The following DMD variants were observed in gnomAD, a reference collection of about 807,000 sequenced individuals.
DMD encodes the protein dystrophin, also known as mutant dystrophin.
Under a neutral mutation model 330.1 loss-of-function variants are expected in DMD, and 63 were observed. The observed-to-expected ratio is 0.19, with a 90% CI of 0.16 to 0.24. The LOEUF is 0.24. Ranked by LOEUF, DMD falls within the 10% of genes least tolerant of loss-of-function variation. The probability of loss-of-function intolerance (pLI) is 1.00; values close to 1 mark genes in which losing one functional copy is unlikely to be tolerated. For synonymous variants in DMD, 1,223 were observed against 959.8 expected (o/e 1.27, Z -5.07); for missense variants, 3,344 against 2,684.1 (o/e 1.25, Z -5.43).
At chrX:32,197,663 G>A (rs1440490278) in intron 44 of DMD, among the ~76,000 whole-genome samples, 2 of 111,246 alleles carry the variant, frequency 1.8e-5, no homozygotes, top group African/African-American at 6.5e-5. Context: ...ATGAAAAGTG[G>A]ATGTTCTTCA....
chrX:31,847,109 G>T (rs187167591), intron 48 of DMD, among the ~76,000 whole-genome samples: 11 of 111,431 alleles, frequency 9.9e-5, no homozygotes, highest in Non-Finnish European at 1.9e-4. Context: ...TAGTCCTCTG[G>T]TGAATGAACA....
intron 76 of DMD, 150 bp downstream of exon 76, chrX:31,146,141 C>G: frequency 8.6e-6 from 6 of 697,421 alleles, no homozygotes; most frequent in Non-Finnish European, 1.3e-5. Flanking sequence ...TTAGAATTTT[C>G]TTTTTAGACT....
chrX:33,188,047 T>A (rs1181747603), intron 1 of DMD, among the ~76,000 whole-genome samples: 1 of 110,911 alleles, frequency 9.0e-6, no homozygotes, highest in African/African-American at 3.3e-5. Context: ...ACTAGCTGGG[T>A]CTTAGTTTTG....
intron 1 of DMD, among the ~76,000 whole-genome samples, chrX:33,267,388 A>T (rs961669378): frequency 2.7e-5 from 3 of 111,295 alleles, no homozygotes; most frequent in Admixed American, 1.9e-4. Context: ...TTCCATGCTC[A>T]TTGGAAGAAA....
At chrX:32,938,084 T>G (rs1194094601) in intron 2 of DMD, among the ~76,000 whole-genome samples, 1 of 111,346 alleles carries the variant, frequency 9.0e-6, no homozygotes, top group Non-Finnish European at 1.9e-5. Flanking sequence ...TATCACTGTT[T>G]GTAAACACTC....
chrX:31,223,056 C>T lies in DMD; in HGVS notation c.9352G>A (p.Ala3118Thr), dbSNP rs200928985. 10 of 1,207,202 alleles carry T rather than the reference C, an allele frequency of 8.3e-6. No individual in the cohort carries two copies. The African/African-American group carries it at 1.2e-4, about 15-fold the overall frequency. The change falls in exon 64 of 79, where the codon GCC (alanine) becomes ACC (threonine). Residue 3118 changes from alanine to threonine, a missense_variant. Transcript: ENST00000357033. ...TAMKLRRLQK[A>T]LCLDLLSLSA... is the part of the protein sequence containing the mutation. ...ACTGGCCAATACTTACAGCAAAGGG[C>T]CTTCTGCAGTCTTCGGAGTTTCATG...
intron 44 of DMD, among the ~76,000 whole-genome samples, chrX:32,075,744 CAA>C (rs1365474839): frequency 1.0e-5 from 1 of 96,862 alleles, no homozygotes; most frequent in Non-Finnish European, 2.1e-5. Flanking sequence ...GATTTCATGC[CAA>C]AAAAAAAAAA....
At chrX:32,401,681 T>C (rs1473288809) in intron 30 of DMD, among the ~76,000 whole-genome samples, 1 of 111,684 alleles carries the variant, frequency 9.0e-6, no homozygotes, top group Non-Finnish European at 1.9e-5. Flanking sequence ...AAAAAGTAAT[T>C]TGAGTCTACA....
intron 12 of DMD, among the ~76,000 whole-genome samples, chrX:32,600,450 A>T (rs1008950952): frequency 6.3e-5 from 7 of 110,332 alleles, no homozygotes; most frequent in African/African-American, 2.3e-4. Context: ...TGGCCATAGC[A>T]TAGACTCAGC....
At chrX:32,597,658 A>G (rs996832960) in intron 12 of DMD, among the ~76,000 whole-genome samples, 15 of 111,955 alleles carry the variant, frequency 1.3e-4, no homozygotes, top group Non-Finnish European at 2.4e-4. Context: ...AGGCTGTCAC[A>G]AAACAGTATT....
At chrX:32,376,345 C>A (rs2097902907) in intron 34 of DMD, among the ~76,000 whole-genome samples, 1 of 111,555 alleles carries the variant, frequency 9.0e-6, no homozygotes, top group Admixed American at 9.6e-5. Context: ...TGGAATAATT[C>A]ATCTCAATGC....
At chrX:31,959,859 G>A (rs2095285178) in intron 45 of DMD, among the ~76,000 whole-genome samples, 1 of 104,254 alleles carries the variant, frequency 9.6e-6, no homozygotes. Context: ...CCGCCTCCCG[G>A]GTTCGAGCAA....
rs1491159928 is a variant in DMD, at chrX:31,284,862, A to ACACC, written c.9225-23847_9225-23846insGGTG. Among the ~76,000 whole-genome samples the ACACC allele has an allele frequency of 1.0e-3, 100 of 100,284 alleles. 2 individuals carry two copies. Among genetic ancestry groups the ACACC allele is most frequent in the East Asian group, 2.7e-3 (9 of 3,348 alleles). The allele number at this position is 100,284 out of a possible 115,157, so 87.1% of individuals were successfully genotyped here. A position where few individuals can be genotyped will look rare whatever the true frequency, so the allele number is the denominator to read the frequency against. On this transcript the variant is annotated intron_variant, in intron 62 of 78. Coordinates refer to ENST00000357033, the MANE Select transcript of DMD (RefSeq NM_004006.3). ...CACACACACACACACACACACACAC[A>ACACC]CCCACACCCACACACGCAAAGTATG...
intron 1 of DMD, among the ~76,000 whole-genome samples, chrX:33,271,583 A>G (rs779463366): frequency 9.1e-6 from 1 of 109,839 alleles, no homozygotes; most frequent in East Asian, 2.9e-4. Context: ...CCTGGCCAAC[A>G]TGGTGAAACC....
rs762295695 is a variant in DMD, at chrX:32,046,516, C to A, written c.6439-78002G>T. Among the ~76,000 whole-genome samples, 608 of 112,093 alleles carry A rather than the reference C, an allele frequency of 5.4e-3. 2 individuals carry two copies. The highest frequency in any genetic ancestry group is 9.3e-3 in the Middle Eastern group (2 of 215). On this transcript the variant is annotated intron_variant, in intron 44 of 78. Coordinates refer to ENST00000357033, the MANE Select transcript of DMD (RefSeq NM_004006.3). ...TTGGGCCCTTAAATTTCGAAATCTA[C>A]GTTTCCAAAGAGAAAGTTAAAAACA...
rs1569220550 is a variant in DMD, at chrX:31,679,452, C to T, written c.7795G>A (p.Ala2599Thr). 3 of 1,210,218 alleles carry T rather than the reference C, an allele frequency of 2.5e-6. No homozygotes were observed. Among genetic ancestry groups the T allele is most frequent in the African/African-American group, 3.5e-5 (2 of 57,306 alleles). ...KEEAEQVLGQ[A>T]RAKLESWKEG... ...TTCCATGACTCAAGCTTGGCTCTGG[C>T]CTGTCCTAAGACCTGCTCAGCTTCT... Residue 2599 changes from alanine (A) to threonine (T), a missense_variant, in exon 53 of 79, where the codon GCC becomes ACC. By Grantham distance (58) the Ala-to-Thr change is moderately conservative. Transcript: ENST00000357033.
intron 2 of DMD, among the ~76,000 whole-genome samples, chrX:32,914,701 T>C (rs2087631927): frequency 8.9e-6 from 1 of 112,576 alleles, no homozygotes; most frequent in Non-Finnish European, 1.9e-5. Context: ...CCTGATTACA[T>C]AGTAGTCAAA....
intron 7 of DMD, among the ~76,000 whole-genome samples, chrX:32,758,913 A>G (rs2748319): frequency 0.38 from 42,213 of 110,818 alleles, 6,393 homozygotes; most frequent in African/African-American, 0.54. Context: ...GAAAAAAATA[A>G]AAAAGATAAA....
intron 3 of DMD, among the ~76,000 whole-genome samples, chrX:32,847,323 C>A (rs1399799835): frequency 8.9e-6 from 1 of 111,871 alleles, no homozygotes; most frequent in Non-Finnish European, 1.9e-5. Flanking sequence ...GAAGTGGGAA[C>A]TTAAAATCTG....
Sources: allele counts gnomAD v4.1 joint callset (sites outside exome capture counted in the v4.1 genomes callset), GRCh38; gene constraint gnomAD v4.1.1; transcripts MANE v1.5; gene names NCBI Gene and HGNC (gene_info 2026-07-23, HGNC 2026-07-21).